ARHGAP21: variants seen among roughly 807,000 people sequenced by gnomAD.
ARHGAP21 encodes the protein Rho GTPase activating protein 21, also known as rho GTPase-activating protein 21.
ARHGAP21 carries 38 observed loss-of-function variants against 164.6 expected under a neutral mutation model. The ratio of observed to expected loss-of-function variants is 0.23; its 90% CI spans 0.18 to 0.30. The LOEUF (loss-of-function observed/expected upper bound fraction) is 0.30. Ranked by LOEUF, ARHGAP21 falls within the 10% of genes least tolerant of loss-of-function variation. ARHGAP21 has a pLI of 1.00. For missense variants in ARHGAP21, 1,822 were observed against 2,370.7 expected (o/e 0.77, Z 4.81); for synonymous variants, 766 against 857.9 (o/e 0.89, Z 1.87).
chr10:24,641,946 A>C (rs1837073973), intron 4 of ARHGAP21, among the ~76,000 whole-genome samples: 1 of 151,748 alleles, frequency 6.6e-6, no homozygotes, highest in African/African-American at 2.4e-5. Context: ...CAGTGAGCCT[A>C]GACTGCGCCA....
rs549550457 is a variant in ARHGAP21, at chr10:24,684,302, C to A, written c.64-13905G>T. Reference sequence around the variant, plus strand: ...ACCCTGACTGAAAAGAAAAAAAAAACCCAGCAAAAAAACAACTTGAAGATA... The same window carrying A: ...ACCCTGACTGAAAAGAAAAAAAAAAACCAGCAAAAAAACAACTTGAAGATA... On this transcript the variant is annotated intron_variant, in intron 2 of 25. Coordinates refer to ENST00000396432, the MANE Select transcript of ARHGAP21 (RefSeq NM_020824.4). Among the ~76,000 whole-genome samples, 423 of 151,438 alleles carry A rather than the reference C, an allele frequency of 2.8e-3. 2 individuals are homozygous for A. The highest frequency in any genetic ancestry group is 6.2e-3 in the African/African-American group (257 of 41,316).
chr10:24,688,877 T>C (rs897002417), intron 2 of ARHGAP21, among the ~76,000 whole-genome samples: 2 of 152,192 alleles, frequency 1.3e-5, no homozygotes. Flanking sequence ...TGGGGTTTCC[T>C]TTTTCTTTCC....
intron 2 of ARHGAP21, among the ~76,000 whole-genome samples, chr10:24,670,722 A>G (rs773913685): frequency 1.3e-5 from 2 of 152,222 alleles, no homozygotes; most frequent in Non-Finnish European, 2.9e-5. Context: ...AAGAAATTTT[A>G]AAGAGCACTA....
intron 4 of ARHGAP21, among the ~76,000 whole-genome samples, chr10:24,643,380 T>C (rs1837270743): frequency 2.0e-5 from 3 of 152,204 alleles, no homozygotes; most frequent in Admixed American, 2.0e-4. Flanking sequence ...TTTGTTATGG[T>C]GCTCTAACCA....
At chr10:24,601,935 G>A in intron 13 of ARHGAP21, 43 bp downstream of exon 13, 1 of 1,471,096 alleles carries the variant, frequency 6.8e-7, no homozygotes. Context: ...ATTTGTCAGG[G>A]TCTGCATTTC....
At chr10:24,661,927 A>G (rs1839733113) in intron 4 of ARHGAP21, among the ~76,000 whole-genome samples, 1 of 152,186 alleles carries the variant, frequency 6.6e-6, no homozygotes, top group African/African-American at 2.4e-5. Flanking sequence ...ACTTAGGGCT[A>G]AACAGGCCTT....
intron 7 of ARHGAP21, among the ~76,000 whole-genome samples, chr10:24,625,657 C>T (rs189099976): frequency 6.6e-6 from 1 of 152,140 alleles, no homozygotes; most frequent in Non-Finnish European, 1.5e-5. Flanking sequence ...CATACTCTTG[C>T]TTCCCTCACT....
rs771846783 is a variant in ARHGAP21 at position 24,620,710 on chromosome 10, A to G, written c.1185T>C (p.Tyr395=). 3.1e-6 allele frequency: 5 copies of G among 1,614,196 alleles called. No homozygotes were observed. The highest frequency in any genetic ancestry group is 3.4e-6 in the Non-Finnish European group (4 of 1,180,030). Residue 395 remains tyrosine (Y), a synonymous_variant, in exon 9 of 26, where the codon TAT becomes TAC. Coordinates refer to ENST00000396432, the MANE Select transcript of ARHGAP21 (RefSeq NM_020824.4). ...CTATGTGCAATCGTCTGTTATCAATATACTCTTTGTAAGTTTTATAGTTTT... is the reference window on the plus strand; with the variant it reads ...CTATGTGCAATCGTCTGTTATCAATGTACTCTTTGTAAGTTTTATAGTTTT... ...DWKNYKTYKE[Y]IDNRRLHIGC... is the part of the protein sequence containing the mutation.
Position 24,601,994 on chromosome 10 carries a change from A to G in ARHGAP21, c.2831T>C (p.Val944Ala). 6.2e-7 allele frequency: 1 copy of G among 1,611,606 alleles called. No individual in the cohort carries two copies. Among genetic ancestry groups the G allele is most frequent in the South Asian group, 1.1e-5 (1 of 90,818 alleles). The change falls in exon 13 of 26, where the codon GTC becomes GCC. Residue 944 changes from valine (V) to alanine (A), a missense_variant. This residue lies in a region of ARHGAP21 where 1,090 missense variants were observed against 1,378.9 expected (regional missense o/e 0.79). Transcript: ENST00000396432. ...KEGWLHFRPL[V>A]TDKGKRVGGS... is the part of the protein sequence containing the mutation. ...ACACACTACCTTGCCCTTATCGGTG[A>G]CAAGGGGTCGGAAATGAAGCCACCC...
At chr10:24,702,211 A>AGT (rs1843741501) in intron 2 of ARHGAP21, among the ~76,000 whole-genome samples, 3 of 141,366 alleles carry the variant, frequency 2.1e-5, no homozygotes, top group African/African-American at 7.9e-5. Context: ...GCTCACTGCA[A>AGT]GTTCCATTTC....
chr10:24,660,046 T>C (rs997715109), intron 4 of ARHGAP21, among the ~76,000 whole-genome samples: 3 of 152,082 alleles, frequency 2.0e-5, no homozygotes, highest in African/African-American at 7.2e-5. Flanking sequence ...ACCACTACCA[T>C]CATCATTATC....
intron 4 of ARHGAP21, among the ~76,000 whole-genome samples, chr10:24,656,299 A>G (rs1593186642): frequency 2.2e-5 from 2 of 91,142 alleles, no homozygotes; most frequent in East Asian, 3.9e-4. Context: ...GGAAGTGAGG[A>G]GCCCCTCAGC....
chr10:24,634,092 C>T (rs941389322), intron 5 of ARHGAP21, among the ~76,000 whole-genome samples: 1 of 151,734 alleles, frequency 6.6e-6, no homozygotes, highest in African/African-American at 2.4e-5. Context: ...TTTTTGTGTG[C>T]TTATCACAGC....
intron 4 of ARHGAP21, among the ~76,000 whole-genome samples, chr10:24,659,397 T>C (rs1593201294): frequency 6.6e-6 from 1 of 152,216 alleles, no homozygotes. Flanking sequence ...CTCACTGCAA[T>C]CTCCGCCTCC....
intron 14 of ARHGAP21, 35 bp downstream of exon 14, chr10:24,600,611 G>T (rs759193176): frequency 1.9e-6 from 3 of 1,597,482 alleles, no homozygotes; most frequent in Admixed American, 3.4e-5. Flanking sequence ...GTTGTGAAAG[G>T]GTCAGATTTC....
chr10:24,617,583 T>C (rs1210669001), intron 9 of ARHGAP21, among the ~76,000 whole-genome samples: 4 of 152,202 alleles, frequency 2.6e-5, no homozygotes, highest in Middle Eastern at 3.4e-3. Context: ...TTCCCCACAA[T>C]GTTGACAACT....
chr10:24,652,982 T>C (rs1454860484), intron 4 of ARHGAP21, among the ~76,000 whole-genome samples: 4 of 152,202 alleles, frequency 2.6e-5, no homozygotes, highest in Non-Finnish European at 5.9e-5. Context: ...GCTGCATTGT[T>C]TGAAGTAGCT....
At chr10:24,651,884 T>C (rs923269463) in intron 4 of ARHGAP21, among the ~76,000 whole-genome samples, 19 of 152,186 alleles carry the variant, frequency 1.2e-4, no homozygotes, top group African/African-American at 4.3e-4. Context: ...CATGTGGGTA[T>C]AGAAACTGAA....
At chr10:24,613,874 G>T (rs2131080477) in intron 9 of ARHGAP21, among the ~76,000 whole-genome samples, 1 of 149,048 alleles carries the variant, frequency 6.7e-6, no homozygotes, top group South Asian at 2.1e-4. Context: ...ATTTGCCACG[G>T]TTAACAGGTT....
Sources: allele counts gnomAD v4.1 joint callset (sites outside exome capture counted in the v4.1 genomes callset), GRCh38; gene constraint gnomAD v4.1.1; regional missense constraint gnomAD v4.1.1; transcripts MANE v1.5; gene names NCBI Gene and HGNC (gene_info 2026-07-23, HGNC 2026-07-21).